ZNF716: variants seen among roughly 807,000 people sequenced by gnomAD.
ZNF716 encodes zinc finger protein 716.
A neutral mutation model predicts 13.4 loss-of-function variants in ZNF716; 9 were observed. The observed-to-expected ratio is 0.67, with a 90% confidence interval of 0.41 to 1.18. ZNF716 has a LOEUF of 1.18. Ranked by LOEUF, ZNF716 falls within the 50% of genes most tolerant of loss-of-function variation. The pLI is 0.01. For missense variants in ZNF716, 581 were observed against 576.6 expected (o/e 1.01, Z -0.08); for synonymous variants, 186 against 195.2 (o/e 0.95, Z 0.39).
At chr7:57,454,438 A>C (rs1554321962) in intron 1 of ZNF716, among the ~76,000 whole-genome samples, 1 of 152,098 alleles carries the variant, frequency 6.6e-6, no homozygotes, top group Non-Finnish European at 1.5e-5. Flanking sequence ...GAGCCCTGTG[A>C]CTCCAAGCTA....
rs1214734175 is a variant in ZNF716 at position 57,471,979 on chromosome 7, A to G, written c.*2030A>G. 6.6e-6 allele frequency: 1 copy of G among 152,194 alleles called. No homozygotes were observed. Among genetic ancestry groups the G allele is most frequent in the African/African-American group, 2.4e-5 (1 of 41,450 alleles). The allele number at this position is 152,194 out of a possible 1,614,324, so 9.4% of individuals were successfully genotyped here. On this transcript the variant is annotated 3_prime_UTR_variant, in exon 4 of 4. Transcript: ENST00000420713. The stretch of plus-strand genomic sequence containing the variant: ...TAGATTTTCTGAAAAGCAAATAGTA[A>G]TGTAACTCACATTTCAAATTACTTC...
chr7:57,462,316 T>G, intron 1 of ZNF716, 144 bp from the exon 2 acceptor site: 1 of 863,422 alleles, frequency 1.2e-6, no homozygotes, highest in Non-Finnish European at 1.8e-6. Flanking sequence ...TAATGAATAA[T>G]TTTAGTCACT....
At chr7:57,455,893 ATCTTT>A (rs1324796157) in intron 1 of ZNF716, among the ~76,000 whole-genome samples, 15 of 151,044 alleles carry the variant, frequency 9.9e-5, no homozygotes, top group African/African-American at 3.4e-4. Flanking sequence ...TTTTTTGTAC[ATCTTT>A]TCTTTTCTAT....
intron 1 of ZNF716, among the ~76,000 whole-genome samples, chr7:57,456,246 G>A (rs1477327198): frequency 2.0e-5 from 3 of 151,954 alleles, no homozygotes; most frequent in Non-Finnish European, 2.9e-5. Context: ...GAGCCATCAC[G>A]CCCGGCTTCT....
chr7:57,471,949 AAAT>A lies in ZNF716; in HGVS notation c.*2002_*2004del, dbSNP rs529597493. ...GGTATGCTTCTTTCTTTGTAAAAAA[AAAT>A]ATAGATTTTCTGAAAAGCAAATAGT... is the stretch of plus-strand genomic sequence containing the variant. On this transcript the variant is annotated 3_prime_UTR_variant, in exon 4 of 4. Transcript: ENST00000420713. 1.3e-4 allele frequency: 20 copies of A among 152,234 alleles called. No individual in the cohort carries two copies. Among genetic ancestry groups the A allele is most frequent in the Non-Finnish European group, 2.5e-4 (17 of 68,040 alleles). The allele number at this position is 152,234 out of a possible 1,614,324, so 9.4% of individuals were successfully genotyped here.
chr7:57,464,045 A>G (rs554174314), intron 3 of ZNF716, among the ~76,000 whole-genome samples: 1 of 151,308 alleles, frequency 6.6e-6, no homozygotes, highest in Non-Finnish European at 1.5e-5. Flanking sequence ...ATTTTGTGCA[A>G]CCTTTCAAAT....
At position 57,469,798 on chromosome 7, in the gene ZNF716, C is replaced by A. The variant is rs538387754; in HGVS notation, c.1337C>A (p.Thr446Asn). Reference protein sequence around the residue: ...YKCKECGKAFTFSSTLNTHKR... With the variant: ...YKCKECGKAFNFSSTLNTHKR... ...TGTAAAGAATGTGGGAAAGCCTTTA[C>A]CTTCTCCTCAACTCTAAATACTCAT... The change falls in exon 4 of 4, where the codon ACC (threonine) becomes AAC (asparagine). Residue 446 changes from threonine to asparagine, a missense_variant. Coordinates refer to ENST00000420713, the MANE Select transcript of ZNF716 (RefSeq NM_001159279.1). 1 of 1,605,552 alleles carries A rather than the reference C, an allele frequency of 6.2e-7. No homozygotes were observed. Among genetic ancestry groups the A allele is most frequent in the East Asian group, 2.3e-5 (1 of 44,416 alleles).
At chr7:57,451,532 C>T (rs570555856) in intron 1 of ZNF716, among the ~76,000 whole-genome samples, 26 of 143,212 alleles carry the variant, frequency 1.8e-4, no homozygotes, top group Non-Finnish European at 3.6e-4. Context: ...ACTGCAACTT[C>T]CGCCTCCTGG....
At chr7:57,456,081 G>C (rs1020062229) in intron 1 of ZNF716, among the ~76,000 whole-genome samples, 6 of 151,736 alleles carry the variant, frequency 4.0e-5, no homozygotes, top group African/African-American at 1.5e-4. Context: ...TCAGCCTCCC[G>C]AGTAGCTAGG....
chr7:57,452,742 T>C (rs1296667787), intron 1 of ZNF716, among the ~76,000 whole-genome samples: 1 of 152,058 alleles, frequency 6.6e-6, no homozygotes, highest in African/African-American at 2.4e-5. Context: ...TCATAATGTG[T>C]GGGTTGAGTT....
chr7:57,454,069 GTGGTCTGCCCACC>G (rs1410890580), intron 1 of ZNF716, among the ~76,000 whole-genome samples: 2 of 152,296 alleles, frequency 1.3e-5, no homozygotes, highest in South Asian at 2.1e-4. Flanking sequence ...CTGACCTCAG[GTGGTCTGCCCACC>G]TGTGCCTCTC....
chr7:57,453,279 T>C (rs1554321773), intron 1 of ZNF716, among the ~76,000 whole-genome samples: 1 of 152,148 alleles, frequency 6.6e-6, no homozygotes, highest in Non-Finnish European at 1.5e-5. Flanking sequence ...TGGTTGTCCT[T>C]GAGCATTTCA....
At chr7:57,465,323 GA>G (rs1182690860) in intron 3 of ZNF716, among the ~76,000 whole-genome samples, 1 of 151,954 alleles carries the variant, frequency 6.6e-6, no homozygotes, top group Non-Finnish European at 1.5e-5. Flanking sequence ...GTTTTGGTTA[GA>G]AAACATACAC....
At position 57,469,807 on chromosome 7, in the gene ZNF716, C is replaced by T; in HGVS notation, c.1346C>T (p.Ser449Leu). The T allele has an allele frequency of 6.2e-7, 1 of 1,604,452 alleles. No homozygotes were observed. The highest frequency in any genetic ancestry group is 8.5e-7 in the Non-Finnish European group (1 of 1,174,998). ...TGTGGGAAAGCCTTTACCTTCTCCT[C>T]AACTCTAAATACTCATAAGAGGATT... ...KECGKAFTFS[S>L]TLNTHKRIHT... is the part of the protein sequence containing the mutation. Residue 449 changes from serine (S) to leucine (L), a missense_variant, in exon 4 of 4, where the codon TCA becomes TTA. Transcript: ENST00000420713.
chr7:57,465,094 A>G lies in ZNF716; in HGVS notation c.262+1926A>G, dbSNP rs144292833. ...GTTAAATAGTATTTTAGTAATAAAT[A>G]TACTTTTAGAATTTTGATACAGATT... On this transcript the variant is annotated intron_variant, in intron 3 of 3. Transcript: ENST00000420713. Among the ~76,000 whole-genome samples, 1,058 of 152,328 alleles carry G rather than the reference A, an allele frequency of 6.9e-3. 17 individuals are homozygous for G. The highest frequency in any genetic ancestry group is 0.024 in the African/African-American group (991 of 41,570).
Position 57,462,561 on chromosome 7 carries a change from G to C in ZNF716, c.141G>C (p.Glu47Asp). ...ATTTATATAGAGATGTGATGTTAGA[G>C]AACTACAGAAACCTGGTCTCCCTGG... The part of the protein sequence containing the change: ...QQNLYRDVML[E>D]NYRNLVSLGI... Residue 47 changes from glutamate (E) to aspartate (D), a missense_variant, in exon 2 of 4, where the codon GAG becomes GAC. Physicochemically the swap from Glu to Asp is conservative, Grantham distance 45 (BLOSUM62 2). Coordinates refer to ENST00000420713, the MANE Select transcript of ZNF716 (RefSeq NM_001159279.1). The C allele has an allele frequency of 6.2e-7, 1 of 1,612,456 alleles. No homozygotes were observed. The highest frequency in any genetic ancestry group is 8.5e-7 in the Non-Finnish European group (1 of 1,179,368).
At chr7:57,465,107 T>C (rs1789781157) in intron 3 of ZNF716, among the ~76,000 whole-genome samples, 1 of 152,204 alleles carries the variant, frequency 6.6e-6, no homozygotes, top group Non-Finnish European at 1.5e-5. Context: ...CTTTTAGAAT[T>C]TTGATACAGA....
rs1463249361 is a variant in ZNF716, at chr7:57,470,998, A to G, written c.*1049A>G. The stretch of plus-strand genomic sequence containing the variant: ...GAAAAATGTGGCAAAACTTTTAACA[A>G]ATTTTCCCATCTTATTGCACAGGAA... On this transcript the variant is annotated 3_prime_UTR_variant, in exon 4 of 4. Transcript: ENST00000420713. The G allele has an allele frequency of 6.6e-6, 1 of 152,220 alleles. No individual in the cohort carries two copies. The highest frequency in any genetic ancestry group is 6.5e-5 in the Admixed American group (1 of 15,272). The allele number at this position is 152,220 out of a possible 1,614,324, so 9.4% of individuals were successfully genotyped here. A position where few individuals can be genotyped will look rare whatever the true frequency, so the allele number is the denominator to read the frequency against.
At chr7:57,465,975 A>G (rs1189161406) in intron 3 of ZNF716, among the ~76,000 whole-genome samples, 2 of 151,924 alleles carry the variant, frequency 1.3e-5, no homozygotes, top group Non-Finnish European at 2.9e-5. Context: ...TGTAGGTGGG[A>G]ATTGAACAAT....
Sources: gnomAD v4.1 joint callset for allele counts (sites outside exome capture counted in the v4.1 genomes callset) on GRCh38, gnomAD v4.1.1 for gene constraint, MANE v1.5 for transcripts, NCBI Gene and HGNC (gene_info 2026-07-23, HGNC 2026-07-21) for gene names.